The following NFIB variants were observed in gnomAD, a reference collection of about 807,000 sequenced individuals.
NFIB encodes nuclear factor I B.
In NFIB, 11 loss-of-function variants were observed where a neutral mutation model predicts 61.5. The ratio of observed to expected loss-of-function variants is 0.18; its 90% confidence interval spans 0.11 to 0.30. NFIB has a LOEUF of 0.30. NFIB is among the 10% of genes least tolerant of loss of function. NFIB has a pLI of 1.00. For synonymous variants in NFIB, 260 were observed against 216.5 expected, an observed-to-expected ratio of 1.20 and a Z score of -1.76; for missense variants, 471 against 608.9, an observed-to-expected ratio of 0.77 and a Z score of 2.38.
At chr9:14,139,174 G>T (rs2041412985) in intron 6 of NFIB, among the ~76,000 whole-genome samples, 1 of 152,182 alleles carries the variant, frequency 6.6e-6, no homozygotes, top group Non-Finnish European at 1.5e-5. Context: ...CTTGAACAAA[G>T]ATCTAGGCTC....
In NFIB at chr9:14,307,002, G is replaced by A. The variant is rs906308863; in HGVS notation, c.549C>T (p.Tyr183=). The A allele has an allele frequency of 6.2e-7, 1 of 1,614,056 alleles. No homozygotes were observed. Among genetic ancestry groups the A allele is most frequent in the Non-Finnish European group, 8.5e-7 (1 of 1,179,964 alleles). Residue 183 remains tyrosine (Y), a synonymous_variant, in exon 2 of 11, where the codon TAC becomes TAT. Transcript: ENST00000380953. This position sits in a 1 kb window ranked among gnomAD's most constrained non-coding sequence, Gnocchi z 5.3. ...VKELDLFLAY[Y]VQEQDSGQSG... is the part of the protein sequence containing the mutation. ...ATCTGCTCCTACCTTGCTCCTGCACGTAGTATGCCAAAAACAAATCAAGCT... is the reference window on the plus strand; with the variant it reads ...ATCTGCTCCTACCTTGCTCCTGCACATAGTATGCCAAAAACAAATCAAGCT...
At chr9:14,100,649 G>A (rs1037979732) in intron 10 of NFIB, among the ~76,000 whole-genome samples, 1 of 152,242 alleles carries the variant, frequency 6.6e-6, no homozygotes, top group African/African-American at 2.4e-5. Context: ...GGGAGGCGGA[G>A]CTTGCAGTGA....
chr9:14,145,147 CA>C (rs2042149840), intron 6 of NFIB, among the ~76,000 whole-genome samples: 1 of 151,920 alleles, frequency 6.6e-6, no homozygotes, highest in Non-Finnish European at 1.5e-5. Context: ...GTCTCACAGT[CA>C]AAACTCTCCA....
chr9:14,473,277 C>T, the NFIB span, among the ~76,000 whole-genome samples: 1 of 152,174 alleles, frequency 6.6e-6, no homozygotes, highest in African/African-American at 2.4e-5. Context: ...TCAAGGGATA[C>T]AATTTTTGAC....
intron 2 of NFIB, among the ~76,000 whole-genome samples, chr9:14,222,433 G>C (rs4741350): frequency 0.5 from 76,025 of 151,508 alleles, 19,833 homozygotes; most frequent in Non-Finnish European, 0.58. Context: ...TCAAGCTCCA[G>C]GTAAACTGGT....
chr9:14,113,016 A>C lies in NFIB; in HGVS notation c.1450T>G (p.Phe484Val). The C allele has an allele frequency of 6.5e-7, 1 of 1,550,368 alleles. No individual in the cohort carries two copies. Among genetic ancestry groups the C allele is most frequent in the Non-Finnish European group, 8.7e-7 (1 of 1,146,858 alleles). The change falls in exon 10 of 11, where the codon TTC becomes GTC. Residue 484 changes from phenylalanine (F) to valine (V), a missense_variant. By Grantham distance (50) the Phe-to-Val change is conservative. Transcript: ENST00000380953. ...TTGCCCACCTGTTGCTGATGTAGGA[A>C]GGATGGGTCTCTTGGGCTTAGTCCC... ...YVGLSPRDPSFLHQQQSWYLG is the reference protein window; with the variant it reads ...YVGLSPRDPSVLHQQQSWYLG
At chr9:14,089,726 G>A (rs542736106) in intron 10 of NFIB, among the ~76,000 whole-genome samples, 2 of 152,178 alleles carry the variant, frequency 1.3e-5, no homozygotes, top group South Asian at 2.1e-4. Context: ...TATTGTTGTA[G>A]CTATCAATCT....
At chr9:14,279,499 A>G (rs2132416460) in intron 2 of NFIB, among the ~76,000 whole-genome samples, 1 of 152,308 alleles carries the variant, frequency 6.6e-6, no homozygotes, top group East Asian at 1.9e-4. Flanking sequence ...TCCATAGAGA[A>G]GGCAGGTCAA....
chr9:14,501,547 C>A, the NFIB span, among the ~76,000 whole-genome samples: 1 of 152,180 alleles, frequency 6.6e-6, no homozygotes, highest in African/African-American at 2.4e-5. Context: ...TAATTGTGAA[C>A]ATTAACAATG....
intron 10 of NFIB, chr9:14,093,367 C>A (rs2034259712): frequency 6.6e-6 from 1 of 151,550 alleles, no homozygotes. Flanking sequence ...GAGAAAATAC[C>A]ATATTTACTT....
chr9:14,117,831 C>A (rs1256240773), intron 8 of NFIB, among the ~76,000 whole-genome samples: 1 of 152,094 alleles, frequency 6.6e-6, no homozygotes, highest in African/African-American at 2.4e-5. Flanking sequence ...GACTGTCTCA[C>A]TATAATTGGT....
At chr9:14,227,808 A>C (rs1563922600) in intron 2 of NFIB, among the ~76,000 whole-genome samples, 1 of 152,200 alleles carries the variant, frequency 6.6e-6, no homozygotes, top group Admixed American at 6.5e-5. Flanking sequence ...TAACGTGCCC[A>C]AGTTAATATT....
intron 2 of NFIB, among the ~76,000 whole-genome samples, chr9:14,240,214 TAG>T (rs1160038504): frequency 6.6e-6 from 1 of 152,150 alleles, no homozygotes; most frequent in African/African-American, 2.4e-5. Context: ...GAAAAATTCC[TAG>T]AGAGTGAAAT....
At chr9:14,094,511 G>A (rs57244491) in intron 10 of NFIB, 1 of 152,106 alleles carries the variant, frequency 6.6e-6, no homozygotes, top group African/African-American at 2.4e-5. Flanking sequence ...GGGTTTCTTC[G>A]ATTTATTTTC....
chr9:14,525,655 A>G, the NFIB span, among the ~76,000 whole-genome samples: 1 of 152,190 alleles, frequency 6.6e-6, no homozygotes, highest in Non-Finnish European at 1.5e-5. Flanking sequence ...GGATCTTGCT[A>G]ACCATGAGAA....
intron 2 of NFIB, among the ~76,000 whole-genome samples, chr9:14,290,528 A>C (rs1172212280): frequency 3.9e-5 from 6 of 152,088 alleles, no homozygotes; most frequent in Non-Finnish European, 7.4e-5. Flanking sequence ...AGAAAATAAA[A>C]CTAATTTACC....
chr9:14,411,205 A>C, the NFIB span, among the ~76,000 whole-genome samples: 128 of 152,360 alleles, frequency 8.4e-4, no homozygotes, highest in African/African-American at 2.9e-3. Context: ...CCACAAAGAC[A>C]AAAAGAAGTT....
intron 2 of NFIB, among the ~76,000 whole-genome samples, chr9:14,284,836 C>T (rs571044306): frequency 3.9e-5 from 6 of 152,138 alleles, no homozygotes; most frequent in Non-Finnish European, 7.3e-5. Context: ...ACAATGAAGA[C>T]CATGATACCT....
chr9:14,447,991 C>T, the NFIB span, among the ~76,000 whole-genome samples: 3 of 152,108 alleles, frequency 2.0e-5, no homozygotes, highest in African/African-American at 7.2e-5. Flanking sequence ...GATACTTTAG[C>T]CTATACTGAT....
Sources: allele counts gnomAD v4.1 joint callset (sites outside exome capture counted in the v4.1 genomes callset), GRCh38; gene constraint gnomAD v4.1.1; non-coding constraint Gnocchi (gnomAD v3.1); transcripts MANE v1.5; gene names NCBI Gene and HGNC (gene_info 2026-07-23, HGNC 2026-07-21).